The following KCND2 variants were observed in gnomAD, a reference collection of about 807,000 sequenced individuals.
KCND2 encodes potassium voltage-gated channel subfamily D member 2, also known as A-type voltage-gated potassium channel KCND2.
KCND2 carries 16 observed loss-of-function variants against 54.4 expected under a neutral mutation model. The observed-to-expected ratio is 0.29, with a 90% CI of 0.20 to 0.45. The LOEUF is 0.45. Among genes scored for constraint, KCND2 ranks in the 20% least tolerant of loss-of-function variants. KCND2 has a pLI of 1.00. For synonymous variants in KCND2, 317 were observed against 310.7 expected (o/e 1.02, Z -0.21); for missense variants, 486 against 824.2 (o/e 0.59, Z 5.02).
intron 1 of KCND2, among the ~76,000 whole-genome samples, chr7:120,480,730 C>T (rs543855054): frequency 6.6e-6 from 1 of 152,308 alleles, no homozygotes; most frequent in East Asian, 1.9e-4. Flanking sequence ...CACTCTTGGA[C>T]TTCTCAGCCT....
At chr7:120,416,791 A>AC (rs2116122650) in intron 1 of KCND2, among the ~76,000 whole-genome samples, 1 of 152,136 alleles carries the variant, frequency 6.6e-6, no homozygotes, top group East Asian at 1.9e-4. Flanking sequence ...AAAAAAAAAA[A>AC]AGCAAGTACT....
At position 120,444,033 on chromosome 7, in the gene KCND2, T is replaced by A. The variant is rs146206091; in HGVS notation, c.1115+168286T>A. Among the ~76,000 whole-genome samples, 49 of 152,180 alleles carry A rather than the reference T, an allele frequency of 3.2e-4. No individual in the cohort carries two copies. In the East Asian group the frequency reaches 9.3e-3, roughly 29 times the overall value. On this transcript the variant is annotated intron_variant, in intron 1 of 5. Coordinates refer to ENST00000331113, the MANE Select transcript of KCND2 (RefSeq NM_012281.3). ...CTGTTTCCTTAGCATGAAATGTCAC[T>A]CCCTCACATCTTCATACCCTTATCC...
chr7:120,501,067 G>T (rs1004423199), intron 1 of KCND2, among the ~76,000 whole-genome samples: 4 of 151,892 alleles, frequency 2.6e-5, no homozygotes, highest in African/African-American at 4.8e-5. Context: ...TATTTTGAGG[G>T]TTTTGTTTGT....
At chr7:120,503,131 C>A (rs973690008) in intron 1 of KCND2, among the ~76,000 whole-genome samples, 3 of 151,908 alleles carry the variant, frequency 2.0e-5, no homozygotes, top group African/African-American at 7.3e-5. Flanking sequence ...TGAACTTCAG[C>A]CTTTTAGTAG....
At chr7:120,553,888 A>G (rs1043222802) in intron 1 of KCND2, among the ~76,000 whole-genome samples, 4 of 152,200 alleles carry the variant, frequency 2.6e-5, no homozygotes, top group South Asian at 4.1e-4. Flanking sequence ...GGCATTGCTA[A>G]TGTTCCTTCT....
At chr7:120,565,269 G>A (rs1030898846) in intron 1 of KCND2, among the ~76,000 whole-genome samples, 1 of 152,130 alleles carries the variant, frequency 6.6e-6, no homozygotes, top group Non-Finnish European at 1.5e-5. Context: ...GCATCTAATG[G>A]CTGTGGACCC....
At chr7:120,504,680 A>G (rs544160390) in intron 1 of KCND2, among the ~76,000 whole-genome samples, 2 of 151,978 alleles carry the variant, frequency 1.3e-5, no homozygotes, top group Middle Eastern at 3.4e-3. Context: ...ATTGGTATAC[A>G]TGTTTGAATT....
intron 1 of KCND2, among the ~76,000 whole-genome samples, chr7:120,457,172 C>G (rs1802212330): frequency 1.3e-5 from 2 of 152,168 alleles, no homozygotes. Context: ...CCTTTTTTTC[C>G]TCCTAGGCCT....
intron 1 of KCND2, among the ~76,000 whole-genome samples, chr7:120,499,603 A>G (rs547920319): frequency 1.3e-5 from 2 of 152,244 alleles, no homozygotes; most frequent in Admixed American, 1.3e-4. Context: ...TTCTTTATCT[A>G]GAATACTTTT....
At chr7:120,496,373 T>A (rs1802847193) in intron 1 of KCND2, among the ~76,000 whole-genome samples, 1 of 152,024 alleles carries the variant, frequency 6.6e-6, no homozygotes, top group South Asian at 2.1e-4. Flanking sequence ...ACCAATGTGG[T>A]ACTGCCACCT....
At chr7:120,306,031 T>G (rs866039931) in intron 1 of KCND2, among the ~76,000 whole-genome samples, 44 of 152,258 alleles carry the variant, frequency 2.9e-4, no homozygotes, top group Middle Eastern at 6.8e-3. Context: ...TTTGTTCAGA[T>G]AACATAGGTA....
intron 1 of KCND2, among the ~76,000 whole-genome samples, chr7:120,691,419 A>G (rs976518535): frequency 6.6e-5 from 10 of 152,264 alleles, no homozygotes; most frequent in African/African-American, 2.2e-4. Context: ...GACAGTAAAT[A>G]TATTTCAGAT....
intron 1 of KCND2, among the ~76,000 whole-genome samples, chr7:120,626,738 C>T (rs1380845054): frequency 6.6e-6 from 1 of 152,114 alleles, no homozygotes; most frequent in African/African-American, 2.4e-5. Context: ...AAAGTATTGC[C>T]TTTCTCTTTG....
intron 1 of KCND2, among the ~76,000 whole-genome samples, chr7:120,312,098 A>T (rs1799742974): frequency 6.6e-6 from 1 of 151,700 alleles, no homozygotes; most frequent in South Asian, 2.1e-4. Flanking sequence ...GAGATGGGGG[A>T]CTTTCTCCAT....
At chr7:120,291,495 A>G (rs1799435107) in intron 1 of KCND2, among the ~76,000 whole-genome samples, 1 of 152,006 alleles carries the variant, frequency 6.6e-6, no homozygotes, top group African/African-American at 2.4e-5. Flanking sequence ...AAACAAACAA[A>G]TATGATGTCC....
intron 1 of KCND2, among the ~76,000 whole-genome samples, chr7:120,589,728 C>G (rs1323355499): frequency 2.6e-5 from 4 of 152,146 alleles, no homozygotes; most frequent in Non-Finnish European, 5.9e-5. Context: ...AATCTTCTTT[C>G]TATATGAATT....
intron 1 of KCND2, among the ~76,000 whole-genome samples, chr7:120,497,131 T>A (rs1802860277): frequency 6.6e-6 from 1 of 152,232 alleles, no homozygotes; most frequent in Admixed American, 6.5e-5. Context: ...TCATTTCCTT[T>A]TTTAACTAGA....
At chr7:120,640,453 G>A (rs1439921323) in intron 1 of KCND2, among the ~76,000 whole-genome samples, 1 of 152,022 alleles carries the variant, frequency 6.6e-6, no homozygotes, top group Non-Finnish European at 1.5e-5. Context: ...ACATTATGGA[G>A]TACCGTATAT....
At chr7:120,459,522 T>G (rs1802251019) in intron 1 of KCND2, among the ~76,000 whole-genome samples, 1 of 152,224 alleles carries the variant, frequency 6.6e-6, no homozygotes, top group Admixed American at 6.5e-5. Flanking sequence ...TTATATCATT[T>G]ATTTATTTTG....
Sources: allele counts gnomAD v4.1 joint callset (sites outside exome capture counted in the v4.1 genomes callset), GRCh38; gene constraint gnomAD v4.1.1; transcripts MANE v1.5; gene names NCBI Gene and HGNC (gene_info 2026-07-23, HGNC 2026-07-21).